GARNL3: variants seen among roughly 807,000 people sequenced by gnomAD.
GARNL3 encodes the protein GTPase-activating Rap/Ran-GAP domain-like protein 3.
GARNL3 carries 63 observed loss-of-function variants against 125.0 expected under a neutral mutation model. That is an observed-to-expected ratio of 0.50 (90% CI 0.41 to 0.62). The LOEUF (loss-of-function observed/expected upper bound fraction) is 0.62. Ranked by LOEUF, GARNL3 falls within the 20% of genes least tolerant of loss-of-function variation. The pLI is 0.00. For missense variants in GARNL3, 994 were observed against 1,244.0 expected (o/e 0.80, Z 3.02); for synonymous variants, 439 against 457.5 (o/e 0.96, Z 0.52).
intron 22 of GARNL3, among the ~76,000 whole-genome samples, chr9:127,378,374 G>T (rs1832048097): frequency 6.6e-6 from 1 of 151,958 alleles, no homozygotes; most frequent in South Asian, 2.1e-4. Context: ...ATCACCTGAG[G>T]TCGGGAGTTC....
At chr9:127,277,641 A>G (rs984050832) in intron 1 of GARNL3, among the ~76,000 whole-genome samples, 1 of 151,800 alleles carries the variant, frequency 6.6e-6, no homozygotes, top group Admixed American at 6.6e-5. Flanking sequence ...TCTTGCTCCA[A>G]CCTATCTCTG....
At position 127,365,024 on chromosome 9, in the gene GARNL3, G is replaced by A. The variant is rs2131720947; in HGVS notation, c.2095-276G>A. On this transcript the variant is annotated intron_variant, in intron 21 of 27. Coordinates refer to ENST00000373387, the MANE Select transcript of GARNL3 (RefSeq NM_032293.5). The stretch of plus-strand genomic sequence containing the variant: ...AGAGAGGAGACATACCAAACACAGA[G>A]CTTCTCAACGGCTATGAAAAGATGA... 3 of 413,912 alleles carry A rather than the reference G, an allele frequency of 7.2e-6. No individual in the cohort carries two copies. In the South Asian group the frequency reaches 1.3e-4, roughly 17 times the overall value. 25.6% of individuals were successfully genotyped at this position (413,912 alleles called of 1,614,324 possible).
intron 7 of GARNL3, among the ~76,000 whole-genome samples, chr9:127,331,669 G>T (rs568476348): frequency 4.3e-4 from 60 of 139,768 alleles, no homozygotes; most frequent in African/African-American, 1.4e-3. Flanking sequence ...TAAAGTTGGA[G>T]ATGGTAGATT....
At chr9:127,332,161 CT>C (rs1829295405) in intron 7 of GARNL3, 112 bp from the exon 8 acceptor site, 3 of 731,292 alleles carry the variant, frequency 4.1e-6, no homozygotes. Flanking sequence ...AAGGGATCCC[CT>C]GACTGTCCAT....
chr9:127,378,523 G>T (rs548285080), intron 22 of GARNL3, among the ~76,000 whole-genome samples: 7 of 149,908 alleles, frequency 4.7e-5, no homozygotes, highest in Non-Finnish European at 8.9e-5. Context: ...GGAGGCGGAG[G>T]TTGTGGTGAG....
At chr9:127,357,828 C>T (rs1423721630) in intron 21 of GARNL3, among the ~76,000 whole-genome samples, 2 of 151,572 alleles carry the variant, frequency 1.3e-5, no homozygotes, top group Non-Finnish European at 2.9e-5. Flanking sequence ...ACTATAATAA[C>T]TAAATAAATG....
chr9:127,345,872 C>G (rs1347048075), intron 16 of GARNL3, among the ~76,000 whole-genome samples: 1 of 152,208 alleles, frequency 6.6e-6, no homozygotes, highest in Admixed American at 6.5e-5. Context: ...TGCTGCTGAC[C>G]ACAGACATGC....
At chr9:127,379,246 T>A (rs955016230) in intron 22 of GARNL3, among the ~76,000 whole-genome samples, 1 of 152,246 alleles carries the variant, frequency 6.6e-6, no homozygotes, top group Non-Finnish European at 1.5e-5. Context: ...TAGTTGACTG[T>A]TTCTGGTTGG....
At chr9:127,308,858 G>GA (rs2065022409) in intron 2 of GARNL3, among the ~76,000 whole-genome samples, 2 of 152,150 alleles carry the variant, frequency 1.3e-5, no homozygotes, top group African/African-American at 4.8e-5. Context: ...AAATGGTTCA[G>GA]AAAAAATATT....
chr9:127,349,576 C>A (rs996975615), intron 17 of GARNL3, among the ~76,000 whole-genome samples: 1 of 152,196 alleles, frequency 6.6e-6, no homozygotes, highest in Non-Finnish European at 1.5e-5. Context: ...CCAGATAGAT[C>A]AGCCTTCCTG....
At position 127,313,488 on chromosome 9, in the gene GARNL3, T is replaced by C. The variant is rs1289951194; in HGVS notation, c.367T>C (p.Leu123=). 1.2e-6 allele frequency: 2 copies of C among 1,614,080 alleles called. No individual in the cohort carries two copies. The highest frequency in any genetic ancestry group is 1.7e-6 in the Non-Finnish European group (2 of 1,180,002). ...GNDAEKSPFF[L]SVTLSDQNNQ... is the part of the protein sequence containing the mutation. ...CGATGCCGAGAAGAGCCCTTTCTTC[T>C]TGTCCGTGACCCTTTCTGACCAAAA... Residue 123 remains leucine, a synonymous_variant, in exon 4 of 28, where the codon TTG becomes CTG. Transcript: ENST00000373387.
chr9:127,357,768 TC>T (rs1406464434), intron 21 of GARNL3, among the ~76,000 whole-genome samples: 2 of 134,286 alleles, frequency 1.5e-5, no homozygotes, highest in Admixed American at 7.2e-5. Flanking sequence ...CAAGACCCTG[TC>T]TGTATTTAAA....
At chr9:127,391,767 G>A (rs1251985242) in intron 27 of GARNL3, among the ~76,000 whole-genome samples, 1 of 150,516 alleles carries the variant, frequency 6.6e-6, no homozygotes, top group Non-Finnish European at 1.5e-5. Flanking sequence ...CAGTAATGCA[G>A]TACTGGTAGC....
Position 127,338,161 on chromosome 9 carries a change from G to A in GARNL3, c.1028G>A (p.Arg343Lys). Residue 343 changes from arginine to lysine, a missense_variant and splice_region_variant, in exon 12 of 28, where the codon AGG becomes AAG. Physicochemically the swap from Arg to Lys is conservative, Grantham distance 26 (BLOSUM62 2). This residue lies in a region of GARNL3 where 728 missense variants were observed against 865.7 expected (regional missense o/e 0.84). Transcript: ENST00000373387. Reference sequence around the variant, plus strand: ...TACAATCAACAAAATGACAATTACAGGTAGGTAATGACTTTGTCTCGATTG... The same window carrying A: ...TACAATCAACAAAATGACAATTACAAGTAGGTAATGACTTTGTCTCGATTG... ...VRYNQQNDNY[R>K]LKIFSEESVP... 6.2e-7 allele frequency: 1 copy of A among 1,605,792 alleles called. No individual in the cohort carries two copies. The highest frequency in any genetic ancestry group is 8.5e-7 in the Non-Finnish European group (1 of 1,172,446).
chr9:127,250,919 G>A (rs1348367250), intron 2 of GARNL3, among the ~76,000 whole-genome samples: 1 of 152,100 alleles, frequency 6.6e-6, no homozygotes, highest in Non-Finnish European at 1.5e-5. Flanking sequence ...TCCCCTGCAG[G>A]AATAACTGCT....
intron 5 of GARNL3, among the ~76,000 whole-genome samples, chr9:127,320,232 T>A (rs1051643101): frequency 3.9e-5 from 6 of 152,224 alleles, no homozygotes; most frequent in African/African-American, 1.4e-4. Flanking sequence ...ATTTTTAACT[T>A]TCACTTATAA....
At chr9:127,374,923 AAAC>A (rs1353158998) in intron 22 of GARNL3, among the ~76,000 whole-genome samples, 3 of 151,404 alleles carry the variant, frequency 2.0e-5, no homozygotes, top group African/African-American at 2.4e-5. Context: ...AAAAAAAAAA[AAAC>A]AACAAAGAAA....
chr9:127,287,995 G>A (rs751711311), intron 1 of GARNL3, among the ~76,000 whole-genome samples: 1 of 152,148 alleles, frequency 6.6e-6, no homozygotes, highest in Non-Finnish European at 1.5e-5. Flanking sequence ...CATATTTCTT[G>A]TTTATGAATA....
At chr9:127,391,920 C>T (rs553014883) in intron 27 of GARNL3, among the ~76,000 whole-genome samples, 5 of 152,248 alleles carry the variant, frequency 3.3e-5, no homozygotes, top group African/African-American at 1.2e-4. Flanking sequence ...AGTGATAGTT[C>T]GTATGTCCAA....
Sources: allele counts gnomAD v4.1 joint callset (sites outside exome capture counted in the v4.1 genomes callset), GRCh38; gene constraint gnomAD v4.1.1; regional missense constraint gnomAD v4.1.1; transcripts MANE v1.5; gene names NCBI Gene and HGNC (gene_info 2026-07-23, HGNC 2026-07-21).